The following SLC24A2 variants were observed in gnomAD, a reference collection of about 807,000 sequenced individuals.
SLC24A2 encodes the protein solute carrier family 24 member 2, also known as sodium/potassium/calcium exchanger 2.
SLC24A2 carries 36 observed loss-of-function variants against 62.0 expected under a neutral mutation model. The observed-to-expected ratio is 0.58, with a 90% CI of 0.44 to 0.77. The LOEUF is 0.77. Among genes scored for constraint, SLC24A2 ranks in the 30% least tolerant of loss-of-function variants. The pLI is 0.00. For missense variants in SLC24A2, 846 were observed against 817.9 expected, an observed-to-expected ratio of 1.03 and a Z score of -0.42; for synonymous variants, 358 against 294.0, an observed-to-expected ratio of 1.22 and a Z score of -2.23.
chr9:19,730,592 ATATT>A (rs1186652920), intron 2 of SLC24A2, among the ~76,000 whole-genome samples: 2 of 152,154 alleles, frequency 1.3e-5, no homozygotes, highest in Non-Finnish European at 2.9e-5. Flanking sequence ...TCTAACTTAT[ATATT>A]AAATTTAAAA....
chr9:19,568,643 G>A (rs1271420271), intron 7 of SLC24A2, among the ~76,000 whole-genome samples: 2 of 152,186 alleles, frequency 1.3e-5, no homozygotes, highest in African/African-American at 2.4e-5. Context: ...TCACACAGCT[G>A]GTAAGCAGCA....
In SLC24A2 at chr9:19,515,018, C is replaced by A. The variant is rs989158700; in HGVS notation, c.*1135G>T. On this transcript the variant is annotated 3_prime_UTR_variant, in exon 11 of 11. Coordinates refer to ENST00000341998, the MANE Select transcript of SLC24A2 (RefSeq NM_020344.4). ...ATTAGGTGGCAAGGCCCACTAAGCA[C>A]CTTTACTGGATGACTTCTTATTGCA... is the stretch of plus-strand genomic sequence containing the variant. The A allele has an allele frequency of 2.0e-5, 3 of 152,212 alleles. No homozygotes were observed. Among genetic ancestry groups the A allele is most frequent in the Non-Finnish European group, 2.9e-5 (2 of 68,046 alleles). 9.4% of individuals were successfully genotyped at this position (152,212 alleles called of 1,614,324 possible).
the SLC24A2 span, among the ~76,000 whole-genome samples, chr9:19,885,761 T>G: frequency 6.6e-6 from 1 of 151,998 alleles, no homozygotes; most frequent in African/African-American, 2.4e-5. Flanking sequence ...CCCTGTACTC[T>G]CAATTAGGCC....
chr9:19,642,286 G>A (rs1053888460), intron 2 of SLC24A2, among the ~76,000 whole-genome samples: 29 of 152,166 alleles, frequency 1.9e-4, no homozygotes, highest in East Asian at 9.6e-4. Context: ...GAGGAAATAC[G>A]CCAGCAGATC....
At chr9:19,679,963 T>C (rs1486082645) in intron 2 of SLC24A2, among the ~76,000 whole-genome samples, 1 of 152,016 alleles carries the variant, frequency 6.6e-6, no homozygotes, top group Admixed American at 6.6e-5. Flanking sequence ...CCATTCTTAT[T>C]ACCACAGAAA....
chr9:20,235,990 C>T, the SLC24A2 span, among the ~76,000 whole-genome samples: 1 of 152,164 alleles, frequency 6.6e-6, no homozygotes, highest in African/African-American at 2.4e-5. Context: ...ACCTAACATA[C>T]CATAGTAGAA....
At chr9:19,894,994 A>C in the SLC24A2 span, among the ~76,000 whole-genome samples, 7 of 152,250 alleles carry the variant, frequency 4.6e-5, no homozygotes, top group Non-Finnish European at 7.3e-5. Context: ...GTATATTTCA[A>C]AGCTTTCAAG....
intron 2 of SLC24A2, among the ~76,000 whole-genome samples, chr9:19,765,320 T>G (rs944363580): frequency 6.6e-6 from 1 of 152,226 alleles, no homozygotes; most frequent in African/African-American, 2.4e-5. Context: ...TTGTTATGTG[T>G]GAATCTGATC....
chr9:19,694,824 C>T (rs1053026757), intron 2 of SLC24A2, among the ~76,000 whole-genome samples: 1 of 152,126 alleles, frequency 6.6e-6, no homozygotes. Context: ...GAGGCTTGGA[C>T]TCAGAGATAC....
the SLC24A2 span, among the ~76,000 whole-genome samples, chr9:20,277,858 T>A: frequency 1.3e-5 from 2 of 152,178 alleles, no homozygotes; most frequent in Non-Finnish European, 2.9e-5. Flanking sequence ...AATGATAGAC[T>A]GGATTAAGAA....
At chr9:20,062,474 T>C in the SLC24A2 span, among the ~76,000 whole-genome samples, 1 of 113,202 alleles carries the variant, frequency 8.8e-6, no homozygotes, top group African/African-American at 3.9e-5. Flanking sequence ...TCCTTACACC[T>C]TATACAAAAA....
the SLC24A2 span, among the ~76,000 whole-genome samples, chr9:20,256,735 G>C: frequency 1.3e-5 from 2 of 152,110 alleles, no homozygotes; most frequent in African/African-American, 2.4e-5. Flanking sequence ...TGATACCCTG[G>C]AGATGATTCA....
chr9:20,281,727 A>G, the SLC24A2 span, among the ~76,000 whole-genome samples: 1 of 152,230 alleles, frequency 6.6e-6, no homozygotes, highest in Non-Finnish European at 1.5e-5. Flanking sequence ...TCTACTAATA[A>G]TGGACATTTG....
intron 2 of SLC24A2, among the ~76,000 whole-genome samples, chr9:19,731,532 TG>T (rs1471729488): frequency 8.2e-6 from 1 of 122,342 alleles, no homozygotes; most frequent in Non-Finnish European, 1.9e-5. Flanking sequence ...TGTGTGTGTG[TG>T]TGTGTGTGTG....
At chr9:19,961,992 T>G in the SLC24A2 span, among the ~76,000 whole-genome samples, 1 of 152,216 alleles carries the variant, frequency 6.6e-6, no homozygotes, top group African/African-American at 2.4e-5. Flanking sequence ...TAATATATGT[T>G]GTTTTAAGCT....
At chr9:19,546,981 C>T (rs1033708490) in intron 8 of SLC24A2, among the ~76,000 whole-genome samples, 34 of 152,048 alleles carry the variant, frequency 2.2e-4, no homozygotes, top group African/African-American at 7.7e-4. Flanking sequence ...GGCGACACCC[C>T]ACACCCCACC....
the SLC24A2 span, among the ~76,000 whole-genome samples, chr9:20,275,897 G>A: frequency 3.1e-4 from 47 of 152,192 alleles, 1 homozygote; most frequent in Non-Finnish European, 4.1e-4. Context: ...CTCAGGTCTC[G>A]CGAGACTTAT....
chr9:19,883,920 G>A, the SLC24A2 span, among the ~76,000 whole-genome samples: 1 of 152,068 alleles, frequency 6.6e-6, no homozygotes, highest in Non-Finnish European at 1.5e-5. Flanking sequence ...CCTTATTAAA[G>A]GTCTACCCTG....
chr9:20,293,499 A>G, the SLC24A2 span, among the ~76,000 whole-genome samples: 1 of 152,158 alleles, frequency 6.6e-6, no homozygotes, highest in Non-Finnish European at 1.5e-5. Flanking sequence ...GCTGTGGCCA[A>G]AAAAGCCCAG....
Sources: gnomAD v4.1 joint callset for allele counts (sites outside exome capture counted in the v4.1 genomes callset) on GRCh38, gnomAD v4.1.1 for gene constraint, MANE v1.5 for transcripts, NCBI Gene and HGNC (gene_info 2026-07-23, HGNC 2026-07-21) for gene names.